Variants in ANO10 observed in about 807,000 individuals in gnomAD.
ANO10 encodes the protein anoctamin 10.
A neutral mutation model predicts 74.7 loss-of-function variants in ANO10; 77 were observed. The observed-to-expected ratio is 1.03, with a 90% CI of 0.86 to 1.25. The LOEUF (loss-of-function observed/expected upper bound fraction) is 1.25, where lower values mean the gene tolerates loss of function less well. Among genes scored for constraint, ANO10 ranks in the 50% most tolerant of loss-of-function variants. The probability of loss-of-function intolerance (pLI) is 0.00; values close to 1 mark genes in which losing one functional copy is unlikely to be tolerated. For missense variants in ANO10, 721 were observed against 778.1 expected, an observed-to-expected ratio of 0.93 and a Z score of 0.87; for synonymous variants, 279 against 284.9, an observed-to-expected ratio of 0.98 and a Z score of 0.21.
intron 10 of ANO10, among the ~76,000 whole-genome samples, chr3:43,550,383 C>T (rs893203319): frequency 6.6e-6 from 1 of 152,070 alleles, no homozygotes; most frequent in Non-Finnish European, 1.5e-5. Context: ...AGATGCTAGG[C>T]CCCACTGAGA....
intron 12 of ANO10, among the ~76,000 whole-genome samples, chr3:43,393,115 T>C (rs936216294): frequency 1.3e-5 from 2 of 152,238 alleles, no homozygotes; most frequent in African/African-American, 2.4e-5. Flanking sequence ...ATGCAGATCA[T>C]GCACATGTCT....
chr3:43,577,859 C>A (rs1418188967), intron 5 of ANO10, among the ~76,000 whole-genome samples: 2 of 152,178 alleles, frequency 1.3e-5, no homozygotes, highest in Non-Finnish European at 2.9e-5. Flanking sequence ...TCAACACTTT[C>A]ATATATGCAC....
At chr3:43,387,817 C>A (rs1319443564) in intron 12 of ANO10, among the ~76,000 whole-genome samples, 1 of 152,076 alleles carries the variant, frequency 6.6e-6, no homozygotes, top group Non-Finnish European at 1.5e-5. Context: ...GTGCACCTGC[C>A]CTAGCAGAAG....
At chr3:43,567,945 C>T (rs567835134) in intron 7 of ANO10, among the ~76,000 whole-genome samples, 245 of 152,204 alleles carry the variant, frequency 1.6e-3, no homozygotes, top group Middle Eastern at 3.4e-3. Context: ...ACCCATCTCA[C>T]GTGCAGAGAC....
intron 12 of ANO10, among the ~76,000 whole-genome samples, chr3:43,428,554 G>GAACA (rs2148931019): frequency 7.6e-6 from 1 of 131,738 alleles, no homozygotes; most frequent in South Asian, 2.4e-4. Context: ...AGCTATGAAC[G>GAACA]TTCTATTAGA....
intron 4 of ANO10, among the ~76,000 whole-genome samples, chr3:43,597,325 T>G (rs951298871): frequency 6.6e-6 from 1 of 152,176 alleles, no homozygotes; most frequent in African/African-American, 2.4e-5. Context: ...ATGTTTATTG[T>G]GGCACTATTC....
chr3:43,663,932 A>G (rs2083956651), intron 1 of ANO10, among the ~76,000 whole-genome samples: 2 of 152,340 alleles, frequency 1.3e-5, no homozygotes, highest in South Asian at 4.1e-4. Context: ...GGAAGAATCA[A>G]TATCATGAAA....
At chr3:43,509,484 A>G (rs1216630148) in intron 11 of ANO10, among the ~76,000 whole-genome samples, 1 of 152,210 alleles carries the variant, frequency 6.6e-6, no homozygotes, top group Non-Finnish European at 1.5e-5. Context: ...TACAAATTAA[A>G]ACTACAATGC....
intron 11 of ANO10, among the ~76,000 whole-genome samples, chr3:43,474,862 A>G (rs2076005363): frequency 1.3e-5 from 2 of 152,040 alleles, no homozygotes; most frequent in African/African-American, 4.8e-5. Flanking sequence ...TTTGAAGCTC[A>G]GTTTTCTCTC....
intron 10 of ANO10, among the ~76,000 whole-genome samples, chr3:43,552,488 A>C (rs2079511499): frequency 6.6e-6 from 1 of 151,960 alleles, no homozygotes; most frequent in Admixed American, 6.6e-5. Context: ...TCAATAAGAG[A>C]AGAAAAGTCT....
chr3:43,477,995 T>C (rs2076135304), intron 11 of ANO10, among the ~76,000 whole-genome samples: 1 of 152,218 alleles, frequency 6.6e-6, no homozygotes, highest in South Asian at 2.1e-4. Context: ...CAGTTCACAC[T>C]TTACCACAAT....
Position 43,425,557 on chromosome 3 carries a change from C to A in ANO10, c.1914+7054G>T, listed in dbSNP as rs181056890. ...GAATCCTGGAAAGCTGAATTCTCAG[C>A]CATGACAGGGAGGTTGGCAGGCCTC... On this transcript the variant is annotated intron_variant, in intron 12 of 12. Coordinates refer to ENST00000292246, the MANE Select transcript of ANO10 (RefSeq NM_018075.5). 2.5e-3 allele frequency among the ~76,000 whole-genome samples: 376 copies of A among 152,194 alleles called. 1 individual carries two copies. The highest frequency in any genetic ancestry group is 3.5e-3 in the Non-Finnish European group (241 of 68,004).
At chr3:43,444,210 A>C (rs2093206658) in intron 11 of ANO10, among the ~76,000 whole-genome samples, 1 of 152,172 alleles carries the variant, frequency 6.6e-6, no homozygotes, top group Non-Finnish European at 1.5e-5. Context: ...AGGGTGAGAA[A>C]GCTGGCTTTC....
chr3:43,646,761 C>T (rs1450126530), intron 1 of ANO10, among the ~76,000 whole-genome samples: 2 of 152,184 alleles, frequency 1.3e-5, no homozygotes, highest in East Asian at 3.8e-4. Flanking sequence ...CTGCCTGCCT[C>T]AGCCTCCCAA....
At chr3:43,425,064 T>C (rs1269653511) in intron 12 of ANO10, among the ~76,000 whole-genome samples, 1 of 152,200 alleles carries the variant, frequency 6.6e-6, no homozygotes, top group Admixed American at 6.5e-5. Context: ...GTATTTGGAT[T>C]TAACATTTCA....
In ANO10 at chr3:43,366,974, G is replaced by A; in HGVS notation, c.1915C>T (p.Gln639Ter). 1.3e-6 allele frequency: 2 copies of A among 1,597,398 alleles called. No homozygotes were observed. Among genetic ancestry groups the A allele is most frequent in the Non-Finnish European group, 1.7e-6 (2 of 1,171,614 alleles). The change falls in exon 13 of 13, where the codon CAA (glutamine) becomes TAA (stop). Residue 639 changes from glutamine to a stop codon, truncating the protein, a stop_gained and splice_region_variant. Transcript: ENST00000292246. LOFTEE classifies it high-confidence loss of function. ...AGGTTCTCGGTCACGAGCTTCATTT[G>A]CTGTTAAGAGAAAACAGGACACCAG... ...FESLEALKQQ[Q>*]MKLVTENLKE... is the part of the protein sequence containing the mutation.
At chr3:43,427,447 T>C (rs1575761649) in intron 12 of ANO10, among the ~76,000 whole-genome samples, 1 of 152,350 alleles carries the variant, frequency 6.6e-6, no homozygotes, top group East Asian at 1.9e-4. Flanking sequence ...TTAAGGACTG[T>C]CAAATTTCTC....
At chr3:43,515,522 G>A (rs968687991) in intron 11 of ANO10, among the ~76,000 whole-genome samples, 5 of 152,220 alleles carry the variant, frequency 3.3e-5, no homozygotes, top group Admixed American at 1.3e-4. Flanking sequence ...ATAACTGCAT[G>A]AACCAATTCC....
chr3:43,468,796 C>T lies in ANO10; in HGVS notation c.1798-36069G>A, dbSNP rs148713852. ...TGCGATCTCGGCTCACTGCAACCTC[C>T]GCCTCCTGGGTTCAAGTGATTCTCC... On this transcript the variant is annotated intron_variant, in intron 11 of 12. Coordinates refer to ENST00000292246, the MANE Select transcript of ANO10 (RefSeq NM_018075.5). 5.2e-3 allele frequency among the ~76,000 whole-genome samples: 781 copies of T among 151,546 alleles called. 5 individuals carry two copies. The highest frequency in any genetic ancestry group is 0.017 in the African/African-American group (709 of 41,306).
Sources: allele counts gnomAD v4.1 joint callset (sites outside exome capture counted in the v4.1 genomes callset), GRCh38; gene constraint gnomAD v4.1.1; transcripts MANE v1.5; gene names NCBI Gene and HGNC (gene_info 2026-07-23, HGNC 2026-07-21).